The following VTI1A variants were observed in gnomAD, a reference collection of about 807,000 sequenced individuals.
VTI1A encodes vesicle transport through interaction with t-SNAREs 1A.
VTI1A carries 22 observed loss-of-function variants against 34.9 expected under a neutral mutation model. That is an observed-to-expected ratio of 0.63 (90% CI 0.45 to 0.90). VTI1A has a LOEUF of 0.90. Ranked by LOEUF, VTI1A falls within the 40% of genes least tolerant of loss-of-function variation. VTI1A has a pLI of 0.00. For synonymous variants in VTI1A, 87 were observed against 97.3 expected (o/e 0.89, Z 0.62); for missense variants, 268 against 275.6 (o/e 0.97, Z 0.20).
chr10:112,846,459 A>C, the VTI1A span, among the ~76,000 whole-genome samples: 1 of 152,224 alleles, frequency 6.6e-6, no homozygotes. Flanking sequence ...GTGTATGGCA[A>C]CTGAGCATTT....
intron 7 of VTI1A, among the ~76,000 whole-genome samples, chr10:112,811,683 CAAAAAAA>C (rs869030543): frequency 0.018 from 218 of 11,836 alleles, 9 homozygotes; most frequent in African/African-American, 0.055. Context: ...GACTCCGTCT[CAAAAAAA>C]AAAAAAAAAA....
chr10:112,610,654 T>C (rs1002742281), intron 5 of VTI1A, among the ~76,000 whole-genome samples: 4 of 151,992 alleles, frequency 2.6e-5, no homozygotes, highest in African/African-American at 7.3e-5. Context: ...CGGTGGCTCA[T>C]GCCTGTAATC....
chr10:112,480,871 T>C (rs1369818379), intron 3 of VTI1A, among the ~76,000 whole-genome samples: 1 of 152,174 alleles, frequency 6.6e-6, no homozygotes, highest in African/African-American at 2.4e-5. Context: ...TGGCATGGGG[T>C]GCAACTTGGG....
At chr10:112,738,067 A>G (rs1850560464) in intron 7 of VTI1A, among the ~76,000 whole-genome samples, 1 of 152,150 alleles carries the variant, frequency 6.6e-6, no homozygotes, top group Non-Finnish European at 1.5e-5. Flanking sequence ...TATCCTTGTC[A>G]ATTGTTGGGG....
At chr10:112,636,362 A>G (rs1037228682) in intron 5 of VTI1A, among the ~76,000 whole-genome samples, 5 of 152,186 alleles carry the variant, frequency 3.3e-5, no homozygotes, top group Admixed American at 3.3e-4. Flanking sequence ...GTAATAGCTC[A>G]TTAATTTTCT....
chr10:112,651,180 C>T (rs1847001085), intron 5 of VTI1A, among the ~76,000 whole-genome samples: 1 of 152,188 alleles, frequency 6.6e-6, no homozygotes, highest in South Asian at 2.1e-4. Flanking sequence ...CTGTCTTCAG[C>T]ACTTCCTTCA....
At chr10:112,551,209 A>T (rs960119141) in intron 5 of VTI1A, among the ~76,000 whole-genome samples, 2 of 134,242 alleles carry the variant, frequency 1.5e-5, no homozygotes, top group Admixed American at 9.1e-5. Flanking sequence ...GCGCCACTGC[A>T]CTCCAGCCTG....
chr10:112,562,553 T>A (rs1306450575), intron 5 of VTI1A, among the ~76,000 whole-genome samples: 1 of 152,048 alleles, frequency 6.6e-6, no homozygotes, highest in Admixed American at 6.6e-5. Flanking sequence ...TACACACACA[T>A]ATATAACTAT....
intron 4 of VTI1A, 163 bp downstream of exon 4, chr10:112,527,327 T>C: frequency 2.0e-6 from 1 of 511,066 alleles, no homozygotes; most frequent in Non-Finnish European, 3.5e-6. Context: ...AAAATGTTTC[T>C]TGGAGATCTT....
At chr10:112,448,139 G>A (rs1388005711) in intron 1 of VTI1A, among the ~76,000 whole-genome samples, 2 of 152,166 alleles carry the variant, frequency 1.3e-5, no homozygotes, top group South Asian at 4.1e-4. Context: ...CTCTCATGGG[G>A]TTGTTAGGTA....
chr10:112,562,143 A>G, intron 5 of VTI1A, among the ~76,000 whole-genome samples: 1 of 152,198 alleles, frequency 6.6e-6, no homozygotes, highest in Non-Finnish European at 1.5e-5. Context: ...TACTTGTCAT[A>G]TATTCCTGAG....
chr10:112,641,767 C>T (rs1479522518), intron 5 of VTI1A, among the ~76,000 whole-genome samples: 1 of 152,106 alleles, frequency 6.6e-6, no homozygotes, highest in African/African-American at 2.4e-5. Flanking sequence ...TTATGCTGCC[C>T]AAAGTGCTTG....
In VTI1A at chr10:112,647,637, G is replaced by A. The variant is rs544347251; in HGVS notation, c.428-20581G>A. On this transcript the variant is annotated intron_variant, in intron 5 of 7. Coordinates refer to ENST00000393077, the MANE Select transcript of VTI1A (RefSeq NM_145206.4). ...TGTTAACTGGTGTTTCATTAAAGTTGTCAAGACTAAAAGTATGTTTTTCCG... is the reference window on the plus strand; with the variant it reads ...TGTTAACTGGTGTTTCATTAAAGTTATCAAGACTAAAAGTATGTTTTTCCG... 2.0e-5 allele frequency among the ~76,000 whole-genome samples: 3 copies of A among 152,240 alleles called. No individual in the cohort carries two copies. In the South Asian group the frequency reaches 6.2e-4, roughly 32 times the overall value.
At chr10:112,576,165 C>T (rs981320043) in intron 5 of VTI1A, among the ~76,000 whole-genome samples, 1 of 152,060 alleles carries the variant, frequency 6.6e-6, no homozygotes, top group Non-Finnish European at 1.5e-5. Flanking sequence ...GGACTACGGG[C>T]AACAGCCACC....
chr10:112,790,374 T>C (rs1852420567), intron 7 of VTI1A, among the ~76,000 whole-genome samples: 1 of 152,194 alleles, frequency 6.6e-6, no homozygotes, highest in African/African-American at 2.4e-5. Flanking sequence ...ATATATACTT[T>C]CCCACTCCAT....
At chr10:112,738,801 G>A (rs961740720) in intron 7 of VTI1A, among the ~76,000 whole-genome samples, 5 of 152,274 alleles carry the variant, frequency 3.3e-5, no homozygotes, top group Admixed American at 3.3e-4. Context: ...AAGTTATGGT[G>A]TTGTGGGCAG....
chr10:112,792,468 C>A (rs1852516909), intron 7 of VTI1A, among the ~76,000 whole-genome samples: 1 of 152,074 alleles, frequency 6.6e-6, no homozygotes, highest in African/African-American at 2.4e-5. Context: ...ACCTTAGTAC[C>A]ACACTCTTCC....
At chr10:112,569,931 C>T (rs1168240373) in intron 5 of VTI1A, among the ~76,000 whole-genome samples, 1 of 152,184 alleles carries the variant, frequency 6.6e-6, no homozygotes, top group African/African-American at 2.4e-5. Flanking sequence ...CTTTACATGC[C>T]TATCTGCAAA....
At chr10:112,736,838 C>T in intron 7 of VTI1A, 2 of 1,040,502 alleles carry the variant, frequency 1.9e-6, no homozygotes, top group Non-Finnish European at 2.9e-6. Flanking sequence ...AGCCTTCTCA[C>T]TGAAAGAGCT....
Sources: gnomAD v4.1 joint callset for allele counts (sites outside exome capture counted in the v4.1 genomes callset) on GRCh38, gnomAD v4.1.1 for gene constraint, MANE v1.5 for transcripts, NCBI Gene and HGNC (gene_info 2026-07-23, HGNC 2026-07-21) for gene names.